The following FGF13 variants were observed in gnomAD, a reference collection of about 807,000 sequenced individuals.
FGF13 encodes fibroblast growth factor homologous factor 2.
A neutral mutation model predicts 19.5 loss-of-function variants in FGF13; 2 were observed. The observed-to-expected ratio is 0.10, with a 90% CI of 0.04 to 0.32. The LOEUF is 0.32. Ranked by LOEUF, FGF13 falls within the 10% of genes least tolerant of loss-of-function variation. FGF13 has a pLI of 1.00. For missense variants in FGF13, 113 were observed against 192.7 expected (o/e 0.59, Z 2.45); for synonymous variants, 72 against 76.9 (o/e 0.94, Z 0.33).
chrX:138,818,141 G>A (rs760230681), intron 3 of FGF13, among the ~76,000 whole-genome samples: 2 of 111,076 alleles, frequency 1.8e-5, no homozygotes, highest in Admixed American at 9.7e-5. Flanking sequence ...GTGTAGTTGA[G>A]CACAGGGTTA....
chrX:139,114,414 A>G (rs1003789401), intron 1 of FGF13, among the ~76,000 whole-genome samples: 3 of 111,984 alleles, frequency 2.7e-5, no homozygotes, highest in African/African-American at 9.7e-5. Flanking sequence ...AGCATTGACT[A>G]TATGCCAGGT....
At chrX:138,996,448 C>G (rs1233907834) in intron 1 of FGF13, among the ~76,000 whole-genome samples, 2 of 113,025 alleles carry the variant, frequency 1.8e-5, no homozygotes, top group Admixed American at 9.3e-5. Flanking sequence ...GTGAAATCCT[C>G]GCTGCTAGCG....
In FGF13 at chrX:138,746,257, G is replaced by A. The variant is rs151152473; in HGVS notation, c.218-37329C>T. On this transcript the variant is annotated intron_variant, in intron 3 of 6. Transcript: ENST00000436198. ...AATGACATTCAGAAAGGTGACCTGG[G>A]CTGCAGAGTGGAGAATATGAGGGGG... 8.9e-3 allele frequency among the ~76,000 whole-genome samples: 979 copies of A among 110,493 alleles called. 13 individuals carry two copies. The highest frequency in any genetic ancestry group is 0.047 in the South Asian group (118 of 2,517).
At chrX:138,819,601 C>T (rs1395479757) in intron 3 of FGF13, among the ~76,000 whole-genome samples, 1 of 111,264 alleles carries the variant, frequency 9.0e-6, no homozygotes, top group Non-Finnish European at 1.9e-5. Flanking sequence ...TTCAGAATTC[C>T]GCTTTTTAAA....
chrX:139,156,449 A>G (rs1039953920), intron 1 of FGF13, among the ~76,000 whole-genome samples: 2 of 112,156 alleles, frequency 1.8e-5, no homozygotes, highest in Non-Finnish European at 3.8e-5. Context: ...ACATGATTAC[A>G]ATGCATCAAA....
rs2090051749 is a variant in FGF13 at position 138,711,613 on chromosome X, A to T, written c.-610T>A. On this transcript the variant is annotated 5_prime_UTR_variant, in exon 1 of 5. Transcript: ENST00000315930. Reference sequence around the variant, plus strand: ...CCGTGCCAGGTTTCCGACAGGGATCAAACAGGTAATGGCCTCGCATCTTCG... The same window carrying T: ...CCGTGCCAGGTTTCCGACAGGGATCTAACAGGTAATGGCCTCGCATCTTCG... 2 of 754,074 alleles carry T rather than the reference A, an allele frequency of 2.7e-6. No homozygotes were observed. The highest frequency in any genetic ancestry group is 3.1e-6 in the Non-Finnish European group (2 of 639,117). The allele number at this position is 754,074 out of a possible 1,213,427, so 62.1% of individuals were successfully genotyped here.
intron 1 of FGF13, among the ~76,000 whole-genome samples, chrX:139,071,060 A>C (rs1397028689): frequency 1.8e-5 from 2 of 111,084 alleles, no homozygotes; most frequent in Non-Finnish European, 3.8e-5. Flanking sequence ...GCAAACCACC[A>C]TGGCACGTAT....
chrX:138,923,199 T>C (rs1603034812), intron 1 of FGF13, among the ~76,000 whole-genome samples: 1 of 111,926 alleles, frequency 8.9e-6, no homozygotes, highest in Non-Finnish European at 1.9e-5. Context: ...TGTGTTCATA[T>C]CTATGGTGCT....
chrX:138,619,494 A>T lies in FGF13; in HGVS notation c.*13356T>A, dbSNP rs2124066567. The T allele has an allele frequency of 9.0e-6, 1 of 111,583 alleles. No individual in the cohort carries two copies. The highest frequency in any genetic ancestry group is 3.7e-4 in the South Asian group (1 of 2,681). The allele number at this position is 111,583 out of a possible 1,213,427, so 9.2% of individuals were successfully genotyped here. On this transcript the variant is annotated 3_prime_UTR_variant, in exon 5 of 5. Transcript: ENST00000315930. ...TACCCCAGAACTTCAAGTATAATATAAAAAGAAAGAAAGACAGAAACTATC... is the reference window on the plus strand; with the variant it reads ...TACCCCAGAACTTCAAGTATAATATTAAAAGAAAGAAAGACAGAAACTATC...
Position 138,749,990 on chromosome X carries a change from C to T in FGF13, c.218-41062G>A, listed in dbSNP as rs777279023. On this transcript the variant is annotated intron_variant, in intron 3 of 6. Transcript: ENST00000436198. Reference sequence around the variant, plus strand: ...ACAAGACTAGAGGCAGAGAGAACTACGGAGAGCATGTCAATTGTGCAAGAG... The same window carrying T: ...ACAAGACTAGAGGCAGAGAGAACTATGGAGAGCATGTCAATTGTGCAAGAG... Among the ~76,000 whole-genome samples, 11 of 111,729 alleles carry T rather than the reference C, an allele frequency of 9.8e-5. No individual in the cohort carries two copies. The South Asian group carries it at 3.0e-3, about 31-fold the overall frequency.
At chrX:139,022,011 A>T (rs766346288) in intron 1 of FGF13, among the ~76,000 whole-genome samples, 2 of 111,740 alleles carry the variant, frequency 1.8e-5, no homozygotes, top group Non-Finnish European at 3.8e-5. Flanking sequence ...TGTTACTCCA[A>T]ATACCAGAGA....
chrX:138,826,400 C>A, intron 3 of FGF13, among the ~76,000 whole-genome samples: 1 of 112,137 alleles, frequency 8.9e-6, no homozygotes, highest in East Asian at 2.8e-4. Flanking sequence ...CCATAAAAGT[C>A]ATTTATAATT....
downstream of FGF13, among the ~76,000 whole-genome samples, chrX:138,855,962 CTGTGTG>C (rs35763167): frequency 1.4e-3 from 138 of 101,273 alleles, no homozygotes; most frequent in Non-Finnish European, 8.3e-4. Flanking sequence ...AGTACAAAAA[CTGTGTG>C]TGTGTGTGTG....
intron 1 of FGF13, among the ~76,000 whole-genome samples, chrX:138,951,147 T>A (rs1037557765): frequency 6.3e-5 from 7 of 111,362 alleles, no homozygotes; most frequent in African/African-American, 1.3e-4. Context: ...GGGACTGGAG[T>A]CAGAAATTGA....
chrX:138,868,118 C>T (rs762610606), intron 1 of FGF13, among the ~76,000 whole-genome samples: 2 of 111,797 alleles, frequency 1.8e-5, no homozygotes, highest in East Asian at 5.6e-4. Context: ...TGACTGGCTT[C>T]ATTGAAAAAT....
At chrX:138,791,404 CA>C (rs2090741793) in intron 3 of FGF13, among the ~76,000 whole-genome samples, 1 of 112,099 alleles carries the variant, frequency 8.9e-6, no homozygotes, top group Non-Finnish European at 1.9e-5. Context: ...TTCATGAAAC[CA>C]AAAAGTTGTG....
intron 3 of FGF13, among the ~76,000 whole-genome samples, chrX:138,758,778 T>C (rs1416580185): frequency 8.9e-6 from 1 of 112,421 alleles, no homozygotes; most frequent in Non-Finnish European, 1.9e-5. Flanking sequence ...AATCAATATA[T>C]ACATTCTATT....
intron 1 of FGF13, among the ~76,000 whole-genome samples, chrX:139,170,070 A>T (rs1416957834): frequency 9.0e-6 from 1 of 111,717 alleles, no homozygotes; most frequent in Non-Finnish European, 1.9e-5. Context: ...CTTGGCCCTT[A>T]TCTTTCATGG....
downstream of FGF13, chrX:138,857,492 C>T (rs749820782): frequency 2.2e-5 from 25 of 1,154,737 alleles, no homozygotes; most frequent in African/African-American, 5.5e-5. Context: ...AAGCAAAACA[C>T]GCGTCTGTCG....
Sources: allele counts gnomAD v4.1 joint callset (sites outside exome capture counted in the v4.1 genomes callset), GRCh38; gene constraint gnomAD v4.1.1; transcripts MANE v1.5; gene names NCBI Gene and HGNC (gene_info 2026-07-23, HGNC 2026-07-21).